Variants in LRRC4C observed in about 807,000 individuals in gnomAD.
LRRC4C encodes leucine-rich repeat-containing protein 4C.
LRRC4C carries 5 observed loss-of-function variants against 33.6 expected under a neutral mutation model. That is an observed-to-expected ratio of 0.15 (90% CI 0.08 to 0.31). LRRC4C has a LOEUF of 0.31. Among genes scored for constraint, LRRC4C ranks in the 10% least tolerant of loss-of-function variants. The pLI is 1.00. For synonymous variants in LRRC4C, 329 were observed against 302.0 expected (o/e 1.09, Z -0.93); for missense variants, 560 against 796.7 (o/e 0.70, Z 3.58).
At chr11:40,965,981 T>C (rs1028923828) in intron 1 of LRRC4C, among the ~76,000 whole-genome samples, 2 of 152,260 alleles carry the variant, frequency 1.3e-5, no homozygotes, top group South Asian at 2.1e-4. Flanking sequence ...TTTCATGATA[T>C]TGATTCTTCC....
At position 40,812,299 on chromosome 11, in the gene LRRC4C, C is replaced by A. The variant is rs117206556; in HGVS notation, c.-407+121336G>T. On this transcript the variant is annotated intron_variant, in intron 2 of 6. Coordinates refer to ENST00000528697, the MANE Select transcript of LRRC4C (RefSeq NM_001258419.2). The stretch of plus-strand genomic sequence containing the variant: ...TTAGCAACTCTCACTTGTTATGTGA[C>A]TTAGGCCTCTGACTGATACACAGTC... Among the ~76,000 whole-genome samples, 64 of 151,214 alleles carry A rather than the reference C, an allele frequency of 4.2e-4. No homozygotes were observed. In the East Asian group the frequency reaches 0.011, roughly 27 times the overall value.
At chr11:40,704,984 T>C (rs1411019071) in intron 2 of LRRC4C, among the ~76,000 whole-genome samples, 2 of 152,084 alleles carry the variant, frequency 1.3e-5, no homozygotes, top group Non-Finnish European at 2.9e-5. Context: ...ACAATACTAA[T>C]GTAAAAGTTA....
intron 3 of LRRC4C, among the ~76,000 whole-genome samples, chr11:40,366,933 A>G (rs1411043676): frequency 6.6e-6 from 1 of 152,208 alleles, no homozygotes; most frequent in South Asian, 2.1e-4. Context: ...ATCATTCCAC[A>G]TGGCAATTTG....
intron 1 of LRRC4C, among the ~76,000 whole-genome samples, chr11:41,159,529 T>C (rs1013860318): frequency 4.6e-5 from 7 of 152,186 alleles, no homozygotes; most frequent in Admixed American, 2.6e-4. Context: ...AGCAGACAGA[T>C]TTTTTAAAAT....
chr11:41,337,622 C>A (rs1473458415), intron 1 of LRRC4C, among the ~76,000 whole-genome samples: 13 of 152,086 alleles, frequency 8.5e-5, no homozygotes, highest in Non-Finnish European at 2.9e-5. Context: ...AGGACATAGG[C>A]ATGGGCAAGG....
intron 2 of LRRC4C, among the ~76,000 whole-genome samples, chr11:40,835,543 T>C (rs954936294): frequency 2.6e-5 from 4 of 152,204 alleles, no homozygotes; most frequent in African/African-American, 9.6e-5. Flanking sequence ...AACGTACTAA[T>C]GACCACAAAA....
chr11:40,963,593 A>C (rs922825028), intron 1 of LRRC4C, among the ~76,000 whole-genome samples: 2 of 151,784 alleles, frequency 1.3e-5, no homozygotes, highest in Admixed American at 1.3e-4. Context: ...GTAGCCTGTA[A>C]AGAATTATTT....
chr11:41,106,333 T>G (rs1371043742), intron 1 of LRRC4C, among the ~76,000 whole-genome samples: 2 of 151,994 alleles, frequency 1.3e-5, no homozygotes. Context: ...TTGTGATGGT[T>G]AACTATGCTA....
chr11:41,080,364 T>TG (rs778387643), intron 1 of LRRC4C, among the ~76,000 whole-genome samples: 2 of 146,380 alleles, frequency 1.4e-5, no homozygotes, highest in Non-Finnish European at 3.0e-5. Flanking sequence ...TTTTTTTTTT[T>TG]GTTTGAGATG....
intron 3 of LRRC4C, among the ~76,000 whole-genome samples, chr11:40,451,623 G>A (rs1425671826): frequency 4.6e-5 from 7 of 151,690 alleles, no homozygotes; most frequent in Non-Finnish European, 7.4e-5. Context: ...CTGACCTCAT[G>A]GTCCACCCGC....
At chr11:40,832,315 G>A (rs1952454799) in intron 2 of LRRC4C, among the ~76,000 whole-genome samples, 1 of 152,024 alleles carries the variant, frequency 6.6e-6, no homozygotes, top group African/African-American at 2.4e-5. Context: ...GTCATTATGT[G>A]GTGCATGCCT....
chr11:41,452,315 C>T (rs1564961909), intron 1 of LRRC4C, among the ~76,000 whole-genome samples: 1 of 152,022 alleles, frequency 6.6e-6, no homozygotes, highest in Non-Finnish European at 1.5e-5. Context: ...CTTTAAGTAA[C>T]TTATTATCAA....
intron 3 of LRRC4C, among the ~76,000 whole-genome samples, chr11:40,340,006 T>C (rs1946797627): frequency 6.6e-6 from 1 of 152,188 alleles, no homozygotes; most frequent in Admixed American, 6.5e-5. Context: ...TTTATCATTC[T>C]TCCTTATGGT....
intron 1 of LRRC4C, among the ~76,000 whole-genome samples, chr11:41,336,238 T>C (rs1190032735): frequency 1.3e-5 from 2 of 151,970 alleles, no homozygotes; most frequent in Non-Finnish European, 2.9e-5. Context: ...AATTATAGAC[T>C]TTCCTTTTTT....
intron 5 of LRRC4C, among the ~76,000 whole-genome samples, chr11:40,168,600 A>G (rs1170628532): frequency 1.3e-5 from 2 of 152,184 alleles, no homozygotes; most frequent in East Asian, 1.9e-4. Flanking sequence ...TCTCAGCCAC[A>G]TGGTCCTGCT....
At chr11:40,986,920 G>C (rs1403071391) in intron 1 of LRRC4C, among the ~76,000 whole-genome samples, 1 of 152,160 alleles carries the variant, frequency 6.6e-6, no homozygotes, top group East Asian at 1.9e-4. Context: ...ACATACTACT[G>C]TTGCAAAGGC....
chr11:40,525,654 A>G (rs1042570076), intron 3 of LRRC4C, among the ~76,000 whole-genome samples: 3 of 151,272 alleles, frequency 2.0e-5, no homozygotes, highest in Non-Finnish European at 1.5e-5. Context: ...AGAATTCAGT[A>G]TGCTAGGAAA....
In LRRC4C at chr11:41,264,013, T is replaced by C. The variant is rs1949066702; in HGVS notation, c.-496+195418A>G. 2.0e-5 allele frequency among the ~76,000 whole-genome samples: 3 copies of C among 152,120 alleles called. No individual in the cohort carries two copies. In the South Asian group the frequency reaches 6.2e-4, roughly 31 times the overall value. ...CCAGAATCAATCTACTTGATACTTCTAATTTATCATAAAGTATAATACAAA... is the reference window on the plus strand; with the variant it reads ...CCAGAATCAATCTACTTGATACTTCCAATTTATCATAAAGTATAATACAAA... On this transcript the variant is annotated intron_variant, in intron 1 of 6. Coordinates refer to ENST00000528697, the MANE Select transcript of LRRC4C (RefSeq NM_001258419.2).
intron 1 of LRRC4C, among the ~76,000 whole-genome samples, chr11:41,268,849 T>C (rs528413564): frequency 2.0e-5 from 3 of 151,262 alleles, no homozygotes; most frequent in East Asian, 1.9e-4. Flanking sequence ...CTTGTTTTGA[T>C]AGAATCATAG....
Sources: allele counts gnomAD v4.1 joint callset (sites outside exome capture counted in the v4.1 genomes callset), GRCh38; gene constraint gnomAD v4.1.1; transcripts MANE v1.5; gene names NCBI Gene and HGNC (gene_info 2026-07-23, HGNC 2026-07-21).